Variants in WDPCP observed in about 807,000 individuals in gnomAD.
WDPCP encodes the protein WD repeat containing planar cell polarity effector.
Under a neutral mutation model 93.1 loss-of-function variants are expected in WDPCP, and 71 were observed. The ratio of observed to expected loss-of-function variants is 0.76; its 90% CI spans 0.63 to 0.93. The LOEUF is 0.93. WDPCP is among the 40% of genes least tolerant of loss of function. The pLI is 0.00. For synonymous variants in WDPCP, 315 were observed against 315.0 expected (o/e 1.00, Z 0.00); for missense variants, 844 against 887.4 (o/e 0.95, Z 0.62).
At chr2:63,795,739 C>T (rs1670605668) in intron 2 of WDPCP, among the ~76,000 whole-genome samples, 1 of 152,170 alleles carries the variant, frequency 6.6e-6, no homozygotes, top group South Asian at 2.1e-4. Flanking sequence ...GAATTACAGG[C>T]ATGAGCCACT....
intron 3 of WDPCP, chr2:63,605,802 G>A (rs903678813): frequency 2.7e-6 from 2 of 737,352 alleles, no homozygotes; most frequent in East Asian, 2.5e-5. Flanking sequence ...ACCAGTACCT[G>A]GTGCTGATGA....
intron 6 of WDPCP, chr2:63,442,160 T>A (rs184889336): frequency 1.3e-5 from 2 of 152,212 alleles, no homozygotes; most frequent in African/African-American, 4.8e-5. Context: ...AACACAGTGG[T>A]TAAGAGCACA....
chr2:63,413,983 G>A (rs372784367), intron 9 of WDPCP, among the ~76,000 whole-genome samples: 11 of 147,464 alleles, frequency 7.5e-5, no homozygotes, highest in Admixed American at 1.3e-4. Flanking sequence ...AAATCAATAA[G>A]AAAAAAAAAA....
At chr2:63,144,309 C>T (rs1261636390) in intron 17 of WDPCP, among the ~76,000 whole-genome samples, 1 of 150,464 alleles carries the variant, frequency 6.6e-6, no homozygotes, top group Non-Finnish European at 1.5e-5. Context: ...GAGACGGAGT[C>T]TCGCCCTGTC....
chr2:63,685,101 T>C (rs1668788163), intron 2 of WDPCP, among the ~76,000 whole-genome samples: 2 of 151,842 alleles, frequency 1.3e-5, no homozygotes, highest in South Asian at 4.2e-4. Flanking sequence ...GTAGAAGAAA[T>C]AATACAGATC....
intron 2 of WDPCP, among the ~76,000 whole-genome samples, chr2:63,705,491 T>A (rs1242055790): frequency 2.0e-5 from 3 of 152,178 alleles, no homozygotes; most frequent in Non-Finnish European, 4.4e-5. Context: ...GATTCTGGTA[T>A]GTTGTGTGTC....
intron 1 of WDPCP, among the ~76,000 whole-genome samples, chr2:63,815,883 T>C (rs1173096171): frequency 6.8e-6 from 1 of 147,296 alleles, no homozygotes; most frequent in Non-Finnish European, 1.5e-5. Flanking sequence ...GTTGTTGTTG[T>C]TGTTTATTTT....
chr2:63,352,345 C>T (rs778993366), intron 12 of WDPCP, among the ~76,000 whole-genome samples: 8 of 152,104 alleles, frequency 5.3e-5, no homozygotes, highest in Non-Finnish European at 1.0e-4. Context: ...AGTTTCAATA[C>T]TTTCCTATAC....
chr2:63,428,956 G>A (rs541810014), intron 9 of WDPCP, among the ~76,000 whole-genome samples: 1 of 152,172 alleles, frequency 6.6e-6, no homozygotes, highest in East Asian at 1.9e-4. Context: ...TTGTTAAAAT[G>A]GCCATAATGC....
At chr2:63,452,385 G>C (rs1698315168) in intron 6 of WDPCP, among the ~76,000 whole-genome samples, 1 of 152,076 alleles carries the variant, frequency 6.6e-6, no homozygotes, top group Non-Finnish European at 1.5e-5. Context: ...CAACTTACAA[G>C]GGATGTGAAG....
intron 6 of WDPCP, among the ~76,000 whole-genome samples, chr2:63,443,615 T>C (rs1424924881): frequency 3.9e-5 from 6 of 152,136 alleles, no homozygotes; most frequent in African/African-American, 1.4e-4. Context: ...GAGAAGTCAC[T>C]GAGTTTTAAG....
At chr2:63,128,900 T>C (rs1670103070) in intron 17 of WDPCP, among the ~76,000 whole-genome samples, 1 of 152,132 alleles carries the variant, frequency 6.6e-6, no homozygotes, top group Admixed American at 6.5e-5. Context: ...ACTCCTGACC[T>C]CAGGTGATCC....
intron 15 of WDPCP, among the ~76,000 whole-genome samples, chr2:63,160,393 T>G (rs1479016986): frequency 6.6e-6 from 1 of 152,266 alleles, no homozygotes; most frequent in Non-Finnish European, 1.5e-5. Context: ...ATGGCATTTT[T>G]GGGCTTTTGT....
the WDPCP span, among the ~76,000 whole-genome samples, chr2:63,839,210 T>C: frequency 9.1e-4 from 139 of 152,350 alleles, no homozygotes; most frequent in African/African-American, 3.3e-3. Context: ...TTTTTAATCT[T>C]CCATGAAGGC....
At chr2:63,819,889 A>G (rs1416973588) in intron 1 of WDPCP, among the ~76,000 whole-genome samples, 4 of 152,130 alleles carry the variant, frequency 2.6e-5, no homozygotes, top group Admixed American at 2.0e-4. Flanking sequence ...TACAGACTTC[A>G]TATGTCGCTC....
intron 15 of WDPCP, among the ~76,000 whole-genome samples, chr2:63,154,957 G>T (rs80131757): frequency 1.3e-5 from 2 of 152,028 alleles, no homozygotes; most frequent in African/African-American, 4.8e-5. Flanking sequence ...TGAAATGTCC[G>T]TCCAAGTCTT....
intron 8 of WDPCP, among the ~76,000 whole-genome samples, chr2:63,436,153 T>C (rs1251952211): frequency 6.6e-6 from 1 of 152,124 alleles, no homozygotes. Context: ...ACCGATCAAT[T>C]TTAGTAAATA....
intron 1 of WDPCP, among the ~76,000 whole-genome samples, chr2:63,550,173 T>C (rs1279499604): frequency 2.0e-5 from 3 of 148,538 alleles, no homozygotes; most frequent in Non-Finnish European, 4.4e-5. Context: ...ATTAACTATA[T>C]TTGTCTCCCA....
chr2:63,663,069 G>C (rs79898541), intron 2 of WDPCP, among the ~76,000 whole-genome samples: 1,809 of 152,266 alleles, frequency 0.012, 36 homozygotes, highest in African/African-American at 0.042. Flanking sequence ...CTTCCATTTG[G>C]TCATTTCCTG....
Sources: allele counts gnomAD v4.1 joint callset (sites outside exome capture counted in the v4.1 genomes callset), GRCh38; gene constraint gnomAD v4.1.1; transcripts MANE v1.5; gene names NCBI Gene and HGNC (gene_info 2026-07-23, HGNC 2026-07-21).